The following AKIRIN1 variants were observed in gnomAD, a reference collection of about 807,000 sequenced individuals.
AKIRIN1 encodes the protein akirin-1.
Under a neutral mutation model 25.9 loss-of-function variants are expected in AKIRIN1, and 4 were observed. That is an observed-to-expected ratio of 0.15 (90% confidence interval 0.08 to 0.35). The LOEUF (loss-of-function observed/expected upper bound fraction) is 0.35, where lower values mean the gene tolerates loss of function less well. AKIRIN1 is among the 10% of genes least tolerant of loss of function. AKIRIN1 has a pLI of 1.00. For missense variants in AKIRIN1, 243 were observed against 266.1 expected (o/e 0.91, Z 0.61); for synonymous variants, 125 against 105.1 (o/e 1.19, Z -1.16).
At chr1:39,004,010 T>G in intron 4 of AKIRIN1, 35 bp from the exon 5 acceptor site, 1 of 1,583,220 alleles carries the variant, frequency 6.3e-7, no homozygotes, top group Non-Finnish European at 8.7e-7. Flanking sequence ...TTTTTAGTAT[T>G]CTTACCCTTT....
intron 2 of AKIRIN1, 105 bp from the exon 3 acceptor site, chr1:39,000,867 C>A: frequency 7.9e-7 from 1 of 1,273,314 alleles, no homozygotes. Flanking sequence ...CGTTGTCAGG[C>A]TGGTCTCCAC....
chr1:39,004,003 T>G, intron 4 of AKIRIN1, 42 bp from the exon 5 acceptor site: 1 of 1,566,380 alleles, frequency 6.4e-7, no homozygotes, highest in South Asian at 1.1e-5. Context: ...ACTACAGTTT[T>G]TAGTATTCTT....
chr1:39,001,909 GGATGTGGC>G (rs1460655545), intron 3 of AKIRIN1, among the ~76,000 whole-genome samples: 2 of 152,124 alleles, frequency 1.3e-5, no homozygotes, highest in Non-Finnish European at 1.5e-5. Context: ...TCATAGTTAT[GGATGTGGC>G]GAGTTGGGTG....
chr1:39,003,727 C>A (rs1644011704), intron 4 of AKIRIN1, among the ~76,000 whole-genome samples: 1 of 152,168 alleles, frequency 6.6e-6, no homozygotes, highest in African/African-American at 2.4e-5. Flanking sequence ...CAATTTGTTA[C>A]CTGTCTTTTC....
At chr1:38,994,337 A>C (rs2148065069) in intron 1 of AKIRIN1, among the ~76,000 whole-genome samples, 1 of 152,288 alleles carries the variant, frequency 6.6e-6, no homozygotes, top group South Asian at 2.1e-4. Context: ...CTGTAAAACT[A>C]AGCCTTTTAT....
At chr1:39,003,684 A>G (rs915644646) in intron 4 of AKIRIN1, among the ~76,000 whole-genome samples, 2 of 152,238 alleles carry the variant, frequency 1.3e-5, no homozygotes, top group African/African-American at 4.8e-5. Flanking sequence ...TGGTTCAGCT[A>G]GGATTAAAAT....
In AKIRIN1 at chr1:38,991,610, C is replaced by T. The variant is rs995799844; in HGVS notation, c.220+10C>T. Reference sequence around the variant, plus strand: ...CGCCTTCCAACTCCGGGTAACCTGCCCTGCTCTGGGTTTGGCAGGAAGCCA... The same window carrying T: ...CGCCTTCCAACTCCGGGTAACCTGCTCTGCTCTGGGTTTGGCAGGAAGCCA... On this transcript the variant is annotated intron_variant, in intron 1 of 4. Coordinates refer to ENST00000432648, the MANE Select transcript of AKIRIN1 (RefSeq NM_024595.3). The T allele has an allele frequency of 2.4e-6, 3 of 1,247,658 alleles. No homozygotes were observed. The highest frequency in any genetic ancestry group is 3.2e-5 in the African/African-American group (2 of 62,662). The allele number at this position is 1,247,658 out of a possible 1,614,324, so 77.3% of individuals were successfully genotyped here.
At chr1:38,997,452 A>G (rs1311696676) in intron 1 of AKIRIN1, among the ~76,000 whole-genome samples, 1 of 152,196 alleles carries the variant, frequency 6.6e-6, no homozygotes, top group Admixed American at 6.5e-5. Context: ...CGATGTCCAC[A>G]CTGTAAACAT....
At chr1:39,000,622 T>G (rs1229083841) in intron 2 of AKIRIN1, among the ~76,000 whole-genome samples, 1 of 151,790 alleles carries the variant, frequency 6.6e-6, no homozygotes, top group Non-Finnish European at 1.5e-5. Flanking sequence ...AGTGCTGGGA[T>G]TACAGGCATG....
chr1:39,001,831 C>T (rs969798812), intron 3 of AKIRIN1, among the ~76,000 whole-genome samples: 1 of 151,866 alleles, frequency 6.6e-6, no homozygotes, highest in South Asian at 2.1e-4. Context: ...GGTTGTGATA[C>T]TGTACTAAAC....
Position 38,998,328 on chromosome 1 carries a change from C to T in AKIRIN1, c.361+17C>T, listed in dbSNP as rs762301743. 1 of 1,585,116 alleles carries T rather than the reference C, an allele frequency of 6.3e-7. No homozygotes were observed. Among genetic ancestry groups the T allele is most frequent in the African/African-American group, 1.4e-5 (1 of 73,778 alleles). ...GCTCTCCAGGTAAGCCCACTTTGAT[C>T]TGCAAAATTCGCATTAAGAGTTTGT... is the stretch of plus-strand genomic sequence containing the variant. On this transcript the variant is annotated intron_variant, in intron 2 of 4. Transcript: ENST00000432648.
intron 1 of AKIRIN1, among the ~76,000 whole-genome samples, chr1:38,991,827 G>A (rs1643908337): frequency 1.3e-5 from 2 of 152,224 alleles, no homozygotes; most frequent in African/African-American, 4.8e-5. Context: ...TGGGGGAGGA[G>A]AGCCTGGAGG....
chr1:39,001,333 C>G (rs568651761), intron 3 of AKIRIN1, among the ~76,000 whole-genome samples: 1 of 138,644 alleles, frequency 7.2e-6, no homozygotes, highest in East Asian at 2.1e-4. Flanking sequence ...ATTTTCCAGG[C>G]TGACACCACA....
chr1:39,002,739 A>G (rs1644003731), intron 3 of AKIRIN1, among the ~76,000 whole-genome samples: 2 of 151,654 alleles, frequency 1.3e-5, no homozygotes, highest in Non-Finnish European at 2.9e-5. Context: ...CAAAAAAAAA[A>G]AGAAGAAGCT....
intron 1 of AKIRIN1, among the ~76,000 whole-genome samples, chr1:38,996,392 T>G (rs997850641): frequency 6.6e-6 from 1 of 151,920 alleles, no homozygotes; most frequent in Non-Finnish European, 1.5e-5. Flanking sequence ...AGGCTTTTTT[T>G]CTTTTTTTTA....
chr1:38,991,970 G>C (rs961770590), intron 1 of AKIRIN1, among the ~76,000 whole-genome samples: 1 of 139,306 alleles, frequency 7.2e-6, no homozygotes, highest in African/African-American at 2.6e-5. Flanking sequence ...TGGAAAATTG[G>C]ATTCTACTCA....
intron 1 of AKIRIN1, among the ~76,000 whole-genome samples, chr1:38,994,835 G>A (rs1010791203): frequency 4.6e-5 from 7 of 151,734 alleles, no homozygotes; most frequent in Admixed American, 1.3e-4. Context: ...GATTACAGGC[G>A]CATGCCACCA....
chr1:38,993,255 A>G (rs1643922605), intron 1 of AKIRIN1, among the ~76,000 whole-genome samples: 1 of 152,174 alleles, frequency 6.6e-6, no homozygotes, highest in African/African-American at 2.4e-5. Context: ...GCTGCTTCGT[A>G]AGTGATTTTT....
At chr1:38,994,408 C>T (rs1056109967) in intron 1 of AKIRIN1, among the ~76,000 whole-genome samples, 1 of 152,206 alleles carries the variant, frequency 6.6e-6, no homozygotes, top group Middle Eastern at 3.4e-3. Context: ...GGTTGCTGAC[C>T]GCAGGAAATA....
Sources: allele counts gnomAD v4.1 joint callset (sites outside exome capture counted in the v4.1 genomes callset), GRCh38; gene constraint gnomAD v4.1.1; transcripts MANE v1.5; gene names NCBI Gene and HGNC (gene_info 2026-07-23, HGNC 2026-07-21).